The following VOPP1 variants were observed in gnomAD, a reference collection of about 807,000 sequenced individuals.
VOPP1 encodes VOPP1 WW domain binding protein, also known as WW domain binding protein VOPP1.
VOPP1 carries 8 observed loss-of-function variants against 23.5 expected under a neutral mutation model. The ratio of observed to expected loss-of-function variants is 0.34; its 90% CI spans 0.20 to 0.61. VOPP1 has a LOEUF of 0.61. VOPP1 is among the 20% of genes least tolerant of loss of function. The pLI is 0.78. For missense variants in VOPP1, 174 were observed against 238.1 expected, an observed-to-expected ratio of 0.73 and a Z score of 1.77; for synonymous variants, 83 against 97.3, an observed-to-expected ratio of 0.85 and a Z score of 0.86.
At chr7:55,550,716 G>A (rs771517532) in intron 1 of VOPP1, among the ~76,000 whole-genome samples, 17 of 152,092 alleles carry the variant, frequency 1.1e-4, no homozygotes, top group Non-Finnish European at 2.4e-4. Flanking sequence ...AATTTTTAAC[G>A]GAATGGAAAT....
At chr7:55,482,099 A>C (rs1235554459) in intron 4 of VOPP1, among the ~76,000 whole-genome samples, 1 of 152,134 alleles carries the variant, frequency 6.6e-6, no homozygotes, top group Non-Finnish European at 1.5e-5. Flanking sequence ...CCTTTTATAA[A>C]AGGTGATTTT....
chr7:55,451,037 T>C (rs1341105906), intron 4 of VOPP1, among the ~76,000 whole-genome samples: 2 of 152,214 alleles, frequency 1.3e-5, no homozygotes, highest in African/African-American at 4.8e-5. Context: ...AGCCTGGATC[T>C]TCAGGGCTGG....
chr7:55,550,853 T>C (rs1251953376), intron 1 of VOPP1, among the ~76,000 whole-genome samples: 1 of 152,208 alleles, frequency 6.6e-6, no homozygotes. Context: ...TTTCCAATTA[T>C]TCCACAATTA....
intron 1 of VOPP1, 127 bp downstream of exon 1, chr7:55,572,144 G>C: frequency 1.5e-6 from 1 of 671,512 alleles, no homozygotes. Flanking sequence ...GCAGGGCTGT[G>C]GCTCCCCGTC....
intron 1 of VOPP1, among the ~76,000 whole-genome samples, chr7:55,564,863 CAA>C (rs1369744948): frequency 6.6e-6 from 1 of 152,132 alleles, no homozygotes; most frequent in African/African-American, 2.4e-5. Flanking sequence ...TAGGTTTACT[CAA>C]AGACTCCCAG....
chr7:55,448,536 G>C (rs755592955), intron 4 of VOPP1, among the ~76,000 whole-genome samples: 3 of 145,116 alleles, frequency 2.1e-5, no homozygotes, highest in Admixed American at 7.5e-5. Flanking sequence ...TTTCGCTCGA[G>C]CCCCGGTCCT....
chr7:55,474,218 G>A (rs1792062523), intron 4 of VOPP1, among the ~76,000 whole-genome samples: 1 of 152,250 alleles, frequency 6.6e-6, no homozygotes, highest in African/African-American at 2.4e-5. Flanking sequence ...TGGTCCCACA[G>A]ATGCCACCTG....
At chr7:55,536,423 G>T (rs1198726730) in intron 1 of VOPP1, among the ~76,000 whole-genome samples, 2 of 152,132 alleles carry the variant, frequency 1.3e-5, no homozygotes, top group African/African-American at 4.8e-5. Context: ...CAGCTACTCG[G>T]GAGGTTGAGG....
chr7:55,569,993 A>G (rs1259511316), intron 1 of VOPP1, among the ~76,000 whole-genome samples: 1 of 152,178 alleles, frequency 6.6e-6, no homozygotes, highest in Admixed American at 6.5e-5. Context: ...CAGGCAGAAC[A>G]AAGGAACAAA....
chr7:55,570,173 T>C (rs1798301218), intron 1 of VOPP1, among the ~76,000 whole-genome samples: 1 of 152,114 alleles, frequency 6.6e-6, no homozygotes. Flanking sequence ...GCATCACAGG[T>C]ATTCATCAGA....
chr7:55,540,125 C>T (rs1052537074), intron 1 of VOPP1, among the ~76,000 whole-genome samples: 7 of 151,982 alleles, frequency 4.6e-5, no homozygotes, highest in Non-Finnish European at 1.0e-4. Context: ...CCCAGCCAGG[C>T]GCAGTGGCTC....
chr7:55,566,419 G>A (rs534303783), intron 1 of VOPP1, among the ~76,000 whole-genome samples: 2 of 152,160 alleles, frequency 1.3e-5, no homozygotes, highest in African/African-American at 4.8e-5. Flanking sequence ...AAATTAGCTG[G>A]GCTGTGGTAG....
chr7:55,547,382 C>A (rs1797412462), intron 1 of VOPP1, among the ~76,000 whole-genome samples: 2 of 152,146 alleles, frequency 1.3e-5, no homozygotes, highest in Non-Finnish European at 2.9e-5. Context: ...TGATGCCATA[C>A]GCACACCAAG....
At chr7:55,564,477 C>A (rs1439265699) in intron 1 of VOPP1, among the ~76,000 whole-genome samples, 1 of 152,156 alleles carries the variant, frequency 6.6e-6, no homozygotes, top group Admixed American at 6.6e-5. Context: ...AGTAGCTGCT[C>A]AACCATCCTA....
chr7:55,512,876 G>A (rs1397582660), intron 2 of VOPP1, among the ~76,000 whole-genome samples: 1 of 152,204 alleles, frequency 6.6e-6, no homozygotes, highest in African/African-American at 2.4e-5. Flanking sequence ...CTTGTGTCCA[G>A]GGAGCCTGGG....
chr7:55,487,753 A>G (rs1034958429), intron 4 of VOPP1, among the ~76,000 whole-genome samples: 1 of 152,220 alleles, frequency 6.6e-6, no homozygotes, highest in Middle Eastern at 3.2e-3. Context: ...ATATTCCACA[A>G]AGAAGATGGA....
chr7:55,461,266 A>G (rs1217180044), intron 4 of VOPP1, among the ~76,000 whole-genome samples: 2 of 152,138 alleles, frequency 1.3e-5, no homozygotes, highest in Non-Finnish European at 2.9e-5. Context: ...GGGATAAAAG[A>G]CTACAAATAG....
At chr7:55,513,253 C>A (rs1462798419) in intron 2 of VOPP1, among the ~76,000 whole-genome samples, 1 of 152,186 alleles carries the variant, frequency 6.6e-6, no homozygotes, top group Admixed American at 6.5e-5. Flanking sequence ...TCCCTACACA[C>A]TGGCTCCCTC....
intron 2 of VOPP1, among the ~76,000 whole-genome samples, chr7:55,520,582 A>C (rs2129041087): frequency 6.6e-6 from 1 of 152,360 alleles, no homozygotes; most frequent in Non-Finnish European, 1.5e-5. Flanking sequence ...GCCAAGAGCC[A>C]TGAGAGGCTG....
Sources: allele counts gnomAD v4.1 joint callset (sites outside exome capture counted in the v4.1 genomes callset), GRCh38; gene constraint gnomAD v4.1.1; transcripts MANE v1.5; gene names NCBI Gene and HGNC (gene_info 2026-07-23, HGNC 2026-07-21).